The following CDK5RAP2 variants were observed in gnomAD, a reference collection of about 807,000 sequenced individuals.
CDK5RAP2 encodes CDK5 regulatory subunit associated protein 2, also known as CDK5 regulatory subunit-associated protein 2.
In CDK5RAP2, 147 loss-of-function variants were observed where a neutral mutation model predicts 232.9. That is an observed-to-expected ratio of 0.63 (90% CI 0.55 to 0.72). The LOEUF is 0.72. Ranked by LOEUF, CDK5RAP2 falls within the 30% of genes least tolerant of loss-of-function variation. The pLI, the probability that CDK5RAP2 is intolerant of heterozygous loss-of-function variation, is 0.00. For synonymous variants in CDK5RAP2, 833 were observed against 833.7 expected (o/e 1.00, Z 0.01); for missense variants, 2,195 against 2,231.5 (o/e 0.98, Z 0.33).
intron 25 of CDK5RAP2, among the ~76,000 whole-genome samples, chr9:120,435,503 G>A (rs967433110): frequency 5.8e-5 from 8 of 137,278 alleles, no homozygotes; most frequent in East Asian, 2.2e-4. Flanking sequence ...ACACACACAC[G>A]CCTGCTAAAG....
intron 1 of CDK5RAP2, among the ~76,000 whole-genome samples, chr9:120,575,147 A>G (rs769975850): frequency 6.6e-6 from 1 of 151,844 alleles, no homozygotes; most frequent in Non-Finnish European, 1.5e-5. Flanking sequence ...CACCTTCCAT[A>G]TTCAAGCGAT....
chr9:120,487,862 G>A (rs1409593005), intron 13 of CDK5RAP2, among the ~76,000 whole-genome samples: 1 of 152,200 alleles, frequency 6.6e-6, no homozygotes, highest in Non-Finnish European at 1.5e-5. Context: ...AAAACCCAAC[G>A]AAGTCTTAGT....
intron 6 of CDK5RAP2, chr9:120,536,739 G>C: frequency 3.2e-6 from 2 of 632,188 alleles, no homozygotes; most frequent in Admixed American, 4.7e-5. Flanking sequence ...ATTTCCAATG[G>C]AAAAGACTCA....
Position 120,536,143 on chromosome 9 carries a change from A to G in CDK5RAP2, c.662+229T>C, listed in dbSNP as rs182208338. Among the ~76,000 whole-genome samples the G allele has an allele frequency of 3.5e-4, 54 of 152,296 alleles. No homozygotes were observed. The East Asian group carries it at 4.4e-3, about 13-fold the overall frequency. On this transcript the variant is annotated intron_variant, in intron 7 of 37. Transcript: ENST00000349780. Reference sequence around the variant, plus strand: ...GTGGAACTTTTTAGCATGAATGTCTATCAGTAGACAATCTCTGACCTCATA... The same window carrying G: ...GTGGAACTTTTTAGCATGAATGTCTGTCAGTAGACAATCTCTGACCTCATA...
intron 18 of CDK5RAP2, among the ~76,000 whole-genome samples, chr9:120,465,127 T>A (rs1431772156): frequency 6.6e-6 from 1 of 152,146 alleles, no homozygotes; most frequent in Admixed American, 6.5e-5. Context: ...AATGACAATA[T>A]AAGTAAATAA....
intron 12 of CDK5RAP2, among the ~76,000 whole-genome samples, chr9:120,499,726 G>T (rs888053330): frequency 2.6e-5 from 4 of 152,142 alleles, no homozygotes; most frequent in African/African-American, 9.7e-5. Flanking sequence ...TGATACTAAA[G>T]CAACATTAAC....
chr9:120,427,469 C>A (rs1037389397), intron 25 of CDK5RAP2, among the ~76,000 whole-genome samples: 2 of 152,168 alleles, frequency 1.3e-5, no homozygotes, highest in Non-Finnish European at 2.9e-5. Flanking sequence ...AAATGACCCA[C>A]AAAGCTGGGA....
intron 11 of CDK5RAP2, among the ~76,000 whole-genome samples, chr9:120,524,551 T>C (rs888259139): frequency 3.3e-5 from 5 of 151,642 alleles, no homozygotes; most frequent in East Asian, 3.9e-4. Flanking sequence ...TGCAGGAAAA[T>C]TGCCTGAACC....
intron 12 of CDK5RAP2, among the ~76,000 whole-genome samples, chr9:120,496,482 C>T (rs1263694321): frequency 1.6e-4 from 20 of 123,054 alleles, no homozygotes; most frequent in East Asian, 1.1e-3. Context: ...CCCCTCTGCC[C>T]GGCCAGCCGC....
At position 120,388,998 on chromosome 9, in the gene CDK5RAP2, G is replaced by A. The variant is rs903005306; in HGVS notation, c.*238C>T. The stretch of plus-strand genomic sequence containing the variant: ...AGCCTCAACTCCGGTGCCTGCCCCT[G>A]ATCTGAAATACAACATCCAAGAGCT... On this transcript the variant is annotated 3_prime_UTR_variant, in exon 38 of 38. Transcript: ENST00000349780. 3 of 589,730 alleles carry A rather than the reference G, an allele frequency of 5.1e-6. No individual in the cohort carries two copies. The highest frequency in any genetic ancestry group is 9.0e-6 in the Non-Finnish European group (3 of 332,904). The allele number at this position is 589,730 out of a possible 1,614,324, so 36.5% of individuals were successfully genotyped here.
chr9:120,479,486 T>G (rs565845145), intron 14 of CDK5RAP2, among the ~76,000 whole-genome samples: 1 of 152,184 alleles, frequency 6.6e-6, no homozygotes, highest in African/African-American at 2.4e-5. Flanking sequence ...CTTGATAAAG[T>G]TATCAAAGTT....
At chr9:120,491,991 C>A (rs2038932488) in intron 12 of CDK5RAP2, among the ~76,000 whole-genome samples, 1 of 151,904 alleles carries the variant, frequency 6.6e-6, no homozygotes, top group South Asian at 2.1e-4. Context: ...TCTAAATAAT[C>A]CTGTATTATC....
At chr9:120,548,497 GAATATTAT>G (rs1343977803) in intron 4 of CDK5RAP2, among the ~76,000 whole-genome samples, 1 of 152,110 alleles carries the variant, frequency 6.6e-6, no homozygotes. Context: ...GAGTAAAATG[GAATATTAT>G]GAAACTATTA....
intron 12 of CDK5RAP2, among the ~76,000 whole-genome samples, chr9:120,517,410 T>C (rs184391500): frequency 3.9e-4 from 60 of 152,310 alleles, no homozygotes; most frequent in Non-Finnish European, 7.2e-4. Context: ...TCTACTCTAA[T>C]GACTGCCTGG....
chr9:120,415,163 C>T lies in CDK5RAP2; in HGVS notation c.4178-4G>A. The T allele has an allele frequency of 4.3e-6, 7 of 1,613,922 alleles. No individual in the cohort carries two copies. The highest frequency in any genetic ancestry group is 5.9e-6 in the Non-Finnish European group (7 of 1,179,828). On this transcript the variant is annotated splice_polypyrimidine_tract_variant and splice_region_variant and intron_variant, in intron 27 of 37. Transcript: ENST00000349780. The stretch of plus-strand genomic sequence containing the variant: ...TGTATGTGTTCCATTAGTAAGTCTA[C>T]AGGAAGGAAGCCATTTTTAATTTAA...
At position 120,453,510 on chromosome 9, in the gene CDK5RAP2, G is replaced by A. The variant is rs374571274; in HGVS notation, c.2739C>T (p.His913=). The change falls in exon 21 of 38, where the codon CAC becomes CAT. Residue 913 remains histidine, a synonymous_variant. Coordinates refer to ENST00000349780, the MANE Select transcript of CDK5RAP2 (RefSeq NM_018249.6). ...LSAEHRPENL[H]GVPGWQAALL... is the part of the protein sequence containing the mutation. ...GGGCAGCCTGCCACCCAGGCACCCC[G>A]TGCAGGTTCTCTGGCCGATGCTCTG... 41 of 1,613,270 alleles carry A rather than the reference G, an allele frequency of 2.5e-5. No individual in the cohort carries two copies. Among genetic ancestry groups the A allele is most frequent in the Middle Eastern group, 1.6e-4 (1 of 6,084 alleles).
intron 6 of CDK5RAP2, chr9:120,536,734 C>T: frequency 1.6e-6 from 1 of 644,046 alleles, no homozygotes; most frequent in East Asian, 3.0e-5. Flanking sequence ...CAGGCATTTC[C>T]AATGGAAAAG....
At chr9:120,421,487 G>C (rs1265634373) in intron 26 of CDK5RAP2, among the ~76,000 whole-genome samples, 1 of 152,138 alleles carries the variant, frequency 6.6e-6, no homozygotes, top group Non-Finnish European at 1.5e-5. Flanking sequence ...CTGCCCACTC[G>C]CTCTAACGAT....
intron 1 of CDK5RAP2, 98 bp downstream of exon 1, chr9:120,579,822 G>A: frequency 1.0e-6 from 1 of 978,836 alleles, no homozygotes; most frequent in African/African-American, 1.6e-5. Flanking sequence ...CCCCTGGCCA[G>A]ACACCCTCAA....
Sources: allele counts gnomAD v4.1 joint callset (sites outside exome capture counted in the v4.1 genomes callset), GRCh38; gene constraint gnomAD v4.1.1; transcripts MANE v1.5; gene names NCBI Gene and HGNC (gene_info 2026-07-23, HGNC 2026-07-21).